NRP2: variants seen among roughly 807,000 people sequenced by gnomAD.
NRP2 encodes the protein neuropilin 2.
Under a neutral mutation model 110.4 loss-of-function variants are expected in NRP2, and 52 were observed. The ratio of observed to expected loss-of-function variants is 0.47; its 90% CI spans 0.38 to 0.59. The LOEUF is 0.59. NRP2 is among the 20% of genes least tolerant of loss of function. The pLI is 0.00. For missense variants in NRP2, 1,049 were observed against 1,203.0 expected (o/e 0.87, Z 1.89); for synonymous variants, 508 against 468.9 (o/e 1.08, Z -1.08).
intron 15 of NRP2, among the ~76,000 whole-genome samples, chr2:205,772,065 C>A (rs2058031440): frequency 6.6e-6 from 1 of 152,216 alleles, no homozygotes; most frequent in African/African-American, 2.4e-5. Context: ...GGACCCTGGG[C>A]CATCTCTTGG....
intron 2 of NRP2, among the ~76,000 whole-genome samples, chr2:205,699,267 T>C (rs1354722707): frequency 6.6e-6 from 1 of 152,212 alleles, no homozygotes; most frequent in Non-Finnish European, 1.5e-5. Context: ...TATCAAAGAT[T>C]TCTGTTAGAA....
intron 14 of NRP2, 55 bp from the exon 15 acceptor site, chr2:205,766,728 C>T (rs950838657): frequency 2.7e-6 from 4 of 1,479,258 alleles, no homozygotes; most frequent in Non-Finnish European, 3.8e-6. Flanking sequence ...ACTCTATGTT[C>T]ACCCAATTGT....
intron 15 of NRP2, among the ~76,000 whole-genome samples, chr2:205,771,223 G>T (rs548195407): frequency 6.6e-6 from 1 of 152,098 alleles, no homozygotes; most frequent in African/African-American, 2.4e-5. Context: ...GGCGCCTCCC[G>T]CCACACCATG....
At chr2:205,780,729 T>A (rs959854024) in intron 15 of NRP2, among the ~76,000 whole-genome samples, 1 of 152,180 alleles carries the variant, frequency 6.6e-6, no homozygotes, top group African/African-American at 2.4e-5. Flanking sequence ...CTGCTTTTCA[T>A]CCTATCCAAA....
chr2:205,733,963 G>C (rs755110035), intron 7 of NRP2, among the ~76,000 whole-genome samples: 1 of 152,076 alleles, frequency 6.6e-6, no homozygotes, highest in Non-Finnish European at 1.5e-5. Flanking sequence ...ACACAGATGG[G>C]GATGCGCACA....
chr2:205,704,808 C>T (rs1294192081), intron 2 of NRP2, among the ~76,000 whole-genome samples: 2 of 152,178 alleles, frequency 1.3e-5, no homozygotes, highest in Admixed American at 1.3e-4. Context: ...CATGCACAAT[C>T]CCACTTGTTC....
At chr2:205,688,884 G>C (rs72939360) in intron 1 of NRP2, among the ~76,000 whole-genome samples, 1 of 151,968 alleles carries the variant, frequency 6.6e-6, no homozygotes. Context: ...AAAACCCTTC[G>C]ATGTTGTGAT....
rs761972467 is a variant in NRP2, at chr2:205,728,010, G to A, written c.1110G>A (p.Glu370=). The A allele has an allele frequency of 2.5e-6, 4 of 1,614,156 alleles. No individual in the cohort carries two copies. Among genetic ancestry groups the A allele is most frequent in the Middle Eastern group, 1.6e-4 (1 of 6,062 alleles). The change falls in exon 7 of 17, where the codon GAG becomes GAA. Residue 370 remains glutamate, a synonymous_variant. Transcript: ENST00000357785. ...AGCTGGAAGTCAGCACTAATGGAGA[G>A]GACTGGATGGTGTACCGGCATGGCA... is the stretch of plus-strand genomic sequence containing the variant. ...SYKLEVSTNG[E]DWMVYRHGKN...
rs545279423 is a variant in NRP2 at position 205,794,390 on chromosome 2, G to A, written c.2477-364G>A. 9.3e-4 allele frequency among the ~76,000 whole-genome samples: 141 copies of A among 152,310 alleles called. 2 individuals carry two copies. Among genetic ancestry groups the A allele is most frequent in the African/African-American group, 2.7e-3 (113 of 41,566 alleles). ...CTCCCAAAGTGCTGGGATTACAGGCGTGAGCCACCGCGCCCGGCCTCAAAT... is the reference window on the plus strand; with the variant it reads ...CTCCCAAAGTGCTGGGATTACAGGCATGAGCCACCGCGCCCGGCCTCAAAT... On this transcript the variant is annotated intron_variant, in intron 16 of 16. Coordinates refer to ENST00000357785, the MANE Select transcript of NRP2 (RefSeq NM_003872.3).
At chr2:205,751,144 G>A (rs2057637114) in intron 11 of NRP2, among the ~76,000 whole-genome samples, 1 of 152,156 alleles carries the variant, frequency 6.6e-6, no homozygotes, top group Non-Finnish European at 1.5e-5. Flanking sequence ...TGCATAGGGA[G>A]TTAACATACG....
intron 2 of NRP2, chr2:205,701,171 T>A (rs924334165): frequency 1.3e-5 from 2 of 154,614 alleles, no homozygotes; most frequent in African/African-American, 4.8e-5. Context: ...ACACAGCTTG[T>A]TCAGGAGTTC....
intron 2 of NRP2, among the ~76,000 whole-genome samples, chr2:205,707,639 C>G (rs899266560): frequency 2.0e-5 from 3 of 152,162 alleles, no homozygotes; most frequent in African/African-American, 7.2e-5. Flanking sequence ...TGATATGGAG[C>G]CTAAATCCCT....
intron 15 of NRP2, chr2:205,778,319 G>A (rs148573901): frequency 2.6e-5 from 4 of 151,588 alleles, no homozygotes; most frequent in African/African-American, 7.3e-5. Flanking sequence ...TTCTCATCTG[G>A]TTCGTTTCAT....
intron 15 of NRP2, chr2:205,779,059 A>C (rs1406050827): frequency 1.3e-5 from 2 of 152,228 alleles, no homozygotes; most frequent in African/African-American, 4.8e-5. Flanking sequence ...TTCTAAGAAA[A>C]ATAGACTGGA....
At chr2:205,792,108 G>C in intron 15 of NRP2, 127 bp from the exon 16 acceptor site, 1 of 709,618 alleles carries the variant, frequency 1.4e-6, no homozygotes, top group African/African-American at 1.8e-5. Flanking sequence ...GAATGATCTA[G>C]AAGTAGAGGT....
intron 10 of NRP2, among the ~76,000 whole-genome samples, chr2:205,747,556 C>A (rs1442031838): frequency 6.6e-6 from 1 of 152,172 alleles, no homozygotes; most frequent in African/African-American, 2.4e-5. Context: ...ATATTATAGT[C>A]GGTATGTTTT....
chr2:205,691,095 C>T (rs1181892298), intron 1 of NRP2, among the ~76,000 whole-genome samples: 4 of 152,162 alleles, frequency 2.6e-5, no homozygotes, highest in Non-Finnish European at 5.9e-5. Flanking sequence ...TTGGTTAATT[C>T]ACCAAATCTT....
intron 1 of NRP2, among the ~76,000 whole-genome samples, chr2:205,693,555 T>C (rs993660218): frequency 2.0e-5 from 3 of 151,972 alleles, no homozygotes; most frequent in African/African-American, 7.3e-5. Context: ...AAAAAGCAAA[T>C]AAATTTGAAA....
chr2:205,690,652 C>T (rs949195948), intron 1 of NRP2, among the ~76,000 whole-genome samples: 8 of 150,760 alleles, frequency 5.3e-5, no homozygotes, highest in South Asian at 4.2e-4. Context: ...TGGTGGTGGG[C>T]GCCTATAATC....
Sources: allele counts gnomAD v4.1 joint callset (sites outside exome capture counted in the v4.1 genomes callset), GRCh38; gene constraint gnomAD v4.1.1; transcripts MANE v1.5; gene names NCBI Gene and HGNC (gene_info 2026-07-23, HGNC 2026-07-21).